MTMR3: variants seen among roughly 807,000 people sequenced by gnomAD.
The protein encoded by MTMR3 is phosphatidylinositol-3,5-bisphosphate 3-phosphatase MTMR3.
MTMR3 carries 32 observed loss-of-function variants against 132.4 expected under a neutral mutation model. The observed-to-expected ratio is 0.24, with a 90% confidence interval of 0.18 to 0.32. MTMR3 has a LOEUF of 0.32. Among genes scored for constraint, MTMR3 ranks in the 10% least tolerant of loss-of-function variants. The pLI is 1.00. For synonymous variants in MTMR3, 556 were observed against 550.3 expected (o/e 1.01, Z -0.14); for missense variants, 1,216 against 1,489.6 (o/e 0.82, Z 3.02).
intron 1 of MTMR3, among the ~76,000 whole-genome samples, chr22:29,931,554 A>G (rs562332240): frequency 1.3e-5 from 2 of 152,294 alleles, no homozygotes; most frequent in African/African-American, 4.8e-5. Context: ...AGCTGGGACT[A>G]TGGGCGCGTG....
chr22:29,967,193 TTGTGTGTGTGTGTGTG>T (rs10680622), intron 2 of MTMR3, among the ~76,000 whole-genome samples: 17 of 142,058 alleles, frequency 1.2e-4, no homozygotes, highest in East Asian at 2.1e-4. Context: ...TTCACCTCTG[TTGTGTGTGTGTGTGTG>T]TGTGTGTGTG....
chr22:29,977,376 T>C (rs2066649908), intron 3 of MTMR3, among the ~76,000 whole-genome samples: 1 of 152,236 alleles, frequency 6.6e-6, no homozygotes, highest in Non-Finnish European at 1.5e-5. Flanking sequence ...TGTCTTCCTA[T>C]ACCATAAAAA....
At position 30,026,542 on chromosome 22, in the gene MTMR3, G is replaced by A. The variant is rs2067914936; in HGVS notation, c.*741G>A. The A allele has an allele frequency of 6.5e-6, 1 of 153,010 alleles. No homozygotes were observed. Among genetic ancestry groups the A allele is most frequent in the Non-Finnish European group, 1.5e-5 (1 of 68,634 alleles). 9.5% of individuals were successfully genotyped at this position (153,010 alleles called of 1,614,324 possible). A position where few individuals can be genotyped will look rare whatever the true frequency, so the allele number is the denominator to read the frequency against. ...TTTTAACTTGACCCAGATTGTCTTG[G>A]GCTCCTTTTACTTTCAGGGGGCTGC... On this transcript the variant is annotated 3_prime_UTR_variant, in exon 20 of 20. Transcript: ENST00000401950.
At chr22:29,970,701 C>T (rs377478134) in intron 2 of MTMR3, among the ~76,000 whole-genome samples, 2 of 151,688 alleles carry the variant, frequency 1.3e-5, no homozygotes, top group Non-Finnish European at 2.9e-5. Context: ...TGTTTTACTA[C>T]GAACATTAGG....
In MTMR3 at chr22:30,028,568, C is replaced by T. The variant is rs932841295; in HGVS notation, c.*2767C>T. The T allele has an allele frequency of 1.3e-5, 2 of 152,376 alleles. No homozygotes were observed. The highest frequency in any genetic ancestry group is 4.8e-5 in the African/African-American group (2 of 41,444). The allele number at this position is 152,376 out of a possible 1,614,324, so 9.4% of individuals were successfully genotyped here. A position where few individuals can be genotyped will look rare whatever the true frequency, so the allele number is the denominator to read the frequency against. ...GTGGGTGAGATATGTTATGCTGTTCCTCCCTCGGGAAGGTTGGTATTGAGG... is the reference window on the plus strand; with the variant it reads ...GTGGGTGAGATATGTTATGCTGTTCTTCCCTCGGGAAGGTTGGTATTGAGG... On this transcript the variant is annotated 3_prime_UTR_variant, in exon 20 of 20. Transcript: ENST00000401950.
intron 2 of MTMR3, among the ~76,000 whole-genome samples, chr22:29,969,032 C>T (rs1036741303): frequency 6.6e-6 from 1 of 152,202 alleles, no homozygotes; most frequent in African/African-American, 2.4e-5. Context: ...ATGCCATTCA[C>T]ACACTGATGT....
intron 1 of MTMR3, among the ~76,000 whole-genome samples, chr22:29,899,992 T>A (rs987990027): frequency 6.6e-6 from 1 of 152,230 alleles, no homozygotes; most frequent in African/African-American, 2.4e-5. Context: ...TTGATGTAAC[T>A]TTTCCACTAC....
chr22:29,936,312 A>G (rs1165370580), intron 1 of MTMR3, among the ~76,000 whole-genome samples: 4 of 152,218 alleles, frequency 2.6e-5, no homozygotes, highest in South Asian at 2.1e-4. Flanking sequence ...AGACTCATTA[A>G]TAAACTGATC....
At chr22:29,937,419 A>ATTTTT (rs5844882) in intron 1 of MTMR3, among the ~76,000 whole-genome samples, 2 of 144,242 alleles carry the variant, frequency 1.4e-5, no homozygotes. Context: ...AACTTTGCAG[A>ATTTTT]TTTTTTTTTT....
chr22:30,022,917 G>A (rs1363134043), intron 19 of MTMR3: 2 of 540,222 alleles, frequency 3.7e-6, no homozygotes, highest in Non-Finnish European at 6.6e-6. Flanking sequence ...ATGTGCAAAT[G>A]GTAGCATTTT....
chr22:29,903,616 TTCCTGGGC>T (rs989902143), intron 1 of MTMR3, among the ~76,000 whole-genome samples: 8 of 151,942 alleles, frequency 5.3e-5, no homozygotes, highest in African/African-American at 1.9e-4. Context: ...CCATCTTGAA[TTCCTGGGC>T]TCGAGAGATC....
Position 29,918,767 on chromosome 22 carries a change from A to G in MTMR3, c.-138+35408A>G, listed in dbSNP as rs529030386. Among the ~76,000 whole-genome samples, 9 of 152,308 alleles carry G rather than the reference A, an allele frequency of 5.9e-5. No homozygotes were observed. In the East Asian group the frequency reaches 1.5e-3, roughly 26 times the overall value. The stretch of plus-strand genomic sequence containing the variant: ...GTTTTATCATAATCTGTCTCATATC[A>G]TTTCATATGTTAAAAGGGAATTTTA... On this transcript the variant is annotated intron_variant, in intron 1 of 19. Transcript: ENST00000401950.
At chr22:29,931,493 C>T (rs2065642931) in intron 1 of MTMR3, among the ~76,000 whole-genome samples, 1 of 152,208 alleles carries the variant, frequency 6.6e-6, no homozygotes, top group South Asian at 2.1e-4. Context: ...ATGATCACTG[C>T]AACTTCCGCC....
At chr22:29,995,221 G>A (rs761207296) in intron 7 of MTMR3, 12 of 152,280 alleles carry the variant, frequency 7.9e-5, no homozygotes, top group Non-Finnish European at 1.6e-4. Context: ...GGGTTTGAAT[G>A]CAGTCCAGGA....
chr22:29,916,564 G>A (rs1192005939), intron 1 of MTMR3, among the ~76,000 whole-genome samples: 2 of 16,472 alleles, frequency 1.2e-4, no homozygotes, highest in East Asian at 0.05. Context: ...ATCACAGTTC[G>A]GTGCTATTGT....
chr22:29,885,595 G>T (rs1362059781), intron 1 of MTMR3, among the ~76,000 whole-genome samples: 1 of 152,114 alleles, frequency 6.6e-6, no homozygotes, highest in Admixed American at 6.5e-5. Flanking sequence ...CTCATAAAGG[G>T]GTCCACTGAA....
Position 30,020,584 on chromosome 22 carries a change from T to C in MTMR3, c.2925T>C (p.Ser975=). Residue 975 remains serine (S), a synonymous_variant, in exon 17 of 20, where the codon TCT becomes TCC. Transcript: ENST00000401950. The part of the protein sequence containing the change: ...RSKDSLSRQL[S]AMSCSSAHLH... ...AGGACTCACTGAGCCGTCAGCTGTC[T>C]GCTATGAGCTGCAGCTCTGCCCACT... The C allele has an allele frequency of 1.2e-6, 2 of 1,614,168 alleles. No individual in the cohort carries two copies. The highest frequency in any genetic ancestry group is 1.1e-5 in the South Asian group (1 of 91,082).
chr22:29,930,460 C>CT (rs1169026755), intron 1 of MTMR3, among the ~76,000 whole-genome samples: 3 of 152,172 alleles, frequency 2.0e-5, no homozygotes, highest in African/African-American at 4.8e-5. Context: ...AATCTTAGCA[C>CT]TTTGAGAGGC....
Position 30,027,553 on chromosome 22 carries a change from A to T in MTMR3, c.*1752A>T, listed in dbSNP as rs148549442. 1 of 152,868 alleles carries T rather than the reference A, an allele frequency of 6.5e-6. No individual in the cohort carries two copies. The highest frequency in any genetic ancestry group is 2.4e-5 in the African/African-American group (1 of 41,568). 9.5% of individuals were successfully genotyped at this position (152,868 alleles called of 1,614,324 possible). A position where few individuals can be genotyped will look rare whatever the true frequency, so the allele number is the denominator to read the frequency against. ...AGGGAAAAAGTTGGTCTAATTGAAG[A>T]TTGTGCATTTCCTAGTGACAGGTGC... On this transcript the variant is annotated 3_prime_UTR_variant, in exon 20 of 20. Transcript: ENST00000401950.
Sources: gnomAD v4.1 joint callset for allele counts (sites outside exome capture counted in the v4.1 genomes callset) on GRCh38, gnomAD v4.1.1 for gene constraint, MANE v1.5 for transcripts, NCBI Gene and HGNC (gene_info 2026-07-23, HGNC 2026-07-21) for gene names.